Variants in DSC3 observed in about 807,000 individuals in gnomAD.
DSC3 encodes desmocollin 3, also known as desmocollin-3.
Under a neutral mutation model 89.5 loss-of-function variants are expected in DSC3, and 97 were observed. The ratio of observed to expected loss-of-function variants is 1.08; its 90% CI spans 0.92 to 1.28. DSC3 has a LOEUF of 1.28. DSC3 is among the 50% of genes most tolerant of loss of function. The pLI, the probability that DSC3 is intolerant of heterozygous loss-of-function variation, is 0.00. For synonymous variants in DSC3, 436 were observed against 384.1 expected (o/e 1.14, Z -1.58); for missense variants, 1,199 against 1,085.3 (o/e 1.10, Z -1.47).
At chr18:31,022,725 C>G (rs1368951579) in intron 6 of DSC3, among the ~76,000 whole-genome samples, 1 of 152,168 alleles carries the variant, frequency 6.6e-6, no homozygotes, top group African/African-American at 2.4e-5. Context: ...CTTTTGCTCA[C>G]AGTTTAACAC....
intron 9 of DSC3, among the ~76,000 whole-genome samples, chr18:31,015,223 T>C (rs1249575984): frequency 6.6e-6 from 1 of 152,150 alleles, no homozygotes; most frequent in Non-Finnish European, 1.5e-5. Flanking sequence ...AGATGTGAAA[T>C]TAAGTTAATC....
chr18:31,028,707 A>T (rs902053973), intron 4 of DSC3, among the ~76,000 whole-genome samples: 1 of 152,144 alleles, frequency 6.6e-6, no homozygotes, highest in Non-Finnish European at 1.5e-5. Flanking sequence ...CCATAGCCCT[A>T]CTTCAGTAAT....
intron 9 of DSC3, among the ~76,000 whole-genome samples, chr18:31,011,368 G>T (rs563910770): frequency 6.6e-6 from 1 of 152,302 alleles, no homozygotes; most frequent in African/African-American, 2.4e-5. Flanking sequence ...ACGCTAACTA[G>T]TAAGACAATG....
Position 31,018,201 on chromosome 18 carries a change from A to ATAGG in DSC3, c.1129_1132dup (p.Ile378ThrfsTer5), listed in dbSNP as rs1157139975. 7.4e-6 allele frequency: 12 copies of ATAGG among 1,612,298 alleles called. No individual in the cohort carries two copies. The highest frequency in any genetic ancestry group is 1.0e-5 in the Non-Finnish European group (12 of 1,179,044). On this transcript the variant is annotated frameshift_variant, in exon 9 of 16. Coordinates refer to ENST00000360428, the MANE Select transcript of DSC3 (RefSeq NM_001941.5). LOFTEE classifies it high-confidence loss of function. ...AGTGTTAATTAAATCCTTATCTTCT[A>ATAGG]TAGGTATTCGTAAGATTTCCACATT... is the stretch of plus-strand genomic sequence containing the variant.
rs547592711 is a variant in DSC3, at chr18:31,025,933, AT to A, written c.475-19del. On this transcript the variant is annotated intron_variant, in intron 4 of 15. Coordinates refer to ENST00000360428, the MANE Select transcript of DSC3 (RefSeq NM_001941.5). ...GATTCAACCTAAAAGTAGAAAAAAA[AT>A]ATGCAAAAAAATTAAAACTAAATTC... is the stretch of plus-strand genomic sequence containing the variant. 4.7e-4 allele frequency: 761 copies of A among 1,602,196 alleles called. 3 individuals carry two copies. In the African/African-American group the frequency reaches 7.8e-3, roughly 16 times the overall value.
chr18:31,018,007 G>A, intron 9 of DSC3, 64 bp downstream of exon 9: 3 of 1,379,210 alleles, frequency 2.2e-6, no homozygotes, highest in Non-Finnish European at 2.0e-6. Flanking sequence ...CTATTTAGTT[G>A]ATTAAATTAT....
intron 1 of DSC3, among the ~76,000 whole-genome samples, chr18:31,037,129 G>T (rs1985998329): frequency 6.6e-6 from 1 of 152,038 alleles, no homozygotes; most frequent in Non-Finnish European, 1.5e-5. Context: ...TGCAATTTTT[G>T]CTAAAAAGGT....
In DSC3 at chr18:31,034,080, C is replaced by T. The variant is rs556089265; in HGVS notation, c.70-1804G>A. On this transcript the variant is annotated intron_variant, in intron 1 of 15. Transcript: ENST00000360428. ...GACCTCGTGATCCGCCCGCCTCGGC[C>T]TCCCAAAGTGCTGGGATTACAGGCG... Among the ~76,000 whole-genome samples, 3 of 152,332 alleles carry T rather than the reference C, an allele frequency of 2.0e-5. No individual in the cohort carries two copies. The South Asian group carries it at 6.2e-4, about 32-fold the overall frequency.
At chr18:30,994,494 T>C (rs1279727587) in intron 15 of DSC3, 122 bp from the exon 16 acceptor site, 5 of 1,590,740 alleles carry the variant, frequency 3.1e-6, no homozygotes, top group Non-Finnish European at 4.3e-6. Context: ...CTCTAATGGA[T>C]TCCTACACAC....
At position 30,994,376 on chromosome 18, in the gene DSC3, T is replaced by C. The variant is rs1402214427; in HGVS notation, c.2494-4A>G. ...TCTGATTACATCGATGCAATTTCTG[T>C]AAAATTTTTTAAAAAATGAATTGCA... On this transcript the variant is annotated splice_polypyrimidine_tract_variant and splice_region_variant and intron_variant, in intron 15 of 15. Transcript: ENST00000360428. 1.2e-6 allele frequency: 2 copies of C among 1,612,990 alleles called. No homozygotes were observed. The highest frequency in any genetic ancestry group is 1.6e-4 in the Middle Eastern group (1 of 6,080).
At chr18:31,014,761 T>C (rs1049432203) in intron 9 of DSC3, among the ~76,000 whole-genome samples, 2 of 152,160 alleles carry the variant, frequency 1.3e-5, no homozygotes, top group African/African-American at 4.8e-5. Flanking sequence ...ACATATTGAA[T>C]ACAAACTGCC....
chr18:31,018,614 TAAA>T, intron 8 of DSC3, 49 bp downstream of exon 8: 1 of 1,568,452 alleles, frequency 6.4e-7, no homozygotes, highest in Non-Finnish European at 8.7e-7. Flanking sequence ...TCAGTTTAAA[TAAA>T]AAATGATAGC....
Position 31,001,738 on chromosome 18 carries a change from A to T in DSC3, c.2115T>A (p.Ser705=), listed in dbSNP as rs1984670943. Residue 705 remains serine (S), a splice_region_variant and synonymous_variant, in exon 14 of 16, where the codon TCT becomes TCA. Transcript: ENST00000360428. ...AILLGIALLF[S]VLLTLVCGVF... ...CTCCACATACTAAAGTTAGCAATAC[A>T]GCTGAATTTAAAAATAAAAATAAAA... 6.3e-7 allele frequency: 1 copy of T among 1,583,794 alleles called. No individual in the cohort carries two copies. Among genetic ancestry groups the T allele is most frequent in the Non-Finnish European group, 8.6e-7 (1 of 1,167,862 alleles).
intron 1 of DSC3, among the ~76,000 whole-genome samples, chr18:31,041,704 TC>T (rs1231279454): frequency 6.6e-6 from 1 of 152,078 alleles, no homozygotes; most frequent in Non-Finnish European, 1.5e-5. Flanking sequence ...TCCGAACACT[TC>T]AAGTCTCCCG....
intron 9 of DSC3, among the ~76,000 whole-genome samples, chr18:31,013,725 G>A (rs950544390): frequency 3.9e-5 from 6 of 152,036 alleles, no homozygotes; most frequent in South Asian, 2.1e-4. Flanking sequence ...CTATTCAACC[G>A]ATAAATATCA....
intron 1 of DSC3, among the ~76,000 whole-genome samples, chr18:31,042,226 C>T (rs894559506): frequency 5.9e-5 from 9 of 152,194 alleles, no homozygotes; most frequent in African/African-American, 2.2e-4. Context: ...ATCCTCTCCA[C>T]CCAAAGGCGC....
At position 30,994,389 on chromosome 18, in the gene DSC3, A is replaced by G. The variant is rs370090583; in HGVS notation, c.2494-17T>C. The G allele has an allele frequency of 3.1e-6, 5 of 1,611,588 alleles. No homozygotes were observed. Among genetic ancestry groups the G allele is most frequent in the Non-Finnish European group, 4.2e-6 (5 of 1,178,264 alleles). ...ATGCAATTTCTGTAAAATTTTTTAA[A>G]AAATGAATTGCATTATAGTTTTAAA... On this transcript the variant is annotated splice_polypyrimidine_tract_variant and intron_variant, in intron 15 of 15. Transcript: ENST00000360428.
intron 1 of DSC3, among the ~76,000 whole-genome samples, chr18:31,032,856 A>T (rs2144733235): frequency 6.6e-6 from 1 of 152,264 alleles, no homozygotes; most frequent in South Asian, 2.1e-4. Context: ...AGAAAATAAA[A>T]TCAAAGGCAT....
intron 11 of DSC3, 37 bp downstream of exon 11, chr18:31,007,979 T>A (rs767656399): frequency 7.8e-6 from 12 of 1,531,658 alleles, no homozygotes; most frequent in Admixed American, 3.4e-5. Context: ...ATTCTCTAAT[T>A]CCTTTATAGA....
Sources: gnomAD v4.1 joint callset for allele counts (sites outside exome capture counted in the v4.1 genomes callset) on GRCh38, gnomAD v4.1.1 for gene constraint, MANE v1.5 for transcripts, NCBI Gene and HGNC (gene_info 2026-07-23, HGNC 2026-07-21) for gene names.